The following PTPRT variants were observed in gnomAD, a reference collection of about 807,000 sequenced individuals.
PTPRT encodes the protein protein tyrosine phosphatase receptor type T, also known as receptor-type tyrosine-protein phosphatase T.
In PTPRT, 56 loss-of-function variants were observed where a neutral mutation model predicts 176.8. The observed-to-expected ratio is 0.32, with a 90% CI of 0.26 to 0.40. The LOEUF is 0.40. Ranked by LOEUF, PTPRT falls within the 10% of genes least tolerant of loss-of-function variation. The probability of loss-of-function intolerance (pLI) is 1.00; values close to 1 mark genes in which losing one functional copy is unlikely to be tolerated. For synonymous variants in PTPRT, 783 were observed against 739.0 expected (o/e 1.06, Z -0.96); for missense variants, 1,540 against 1,908.2 (o/e 0.81, Z 3.60).
At chr20:42,275,314 G>A (rs1340203844) in intron 13 of PTPRT, among the ~76,000 whole-genome samples, 4 of 152,178 alleles carry the variant, frequency 2.6e-5, no homozygotes, top group Admixed American at 2.0e-4. Context: ...TACCCCAAAT[G>A]TGTTCCTTCC....
chr20:42,093,694 C>A (rs1984879576), intron 27 of PTPRT, among the ~76,000 whole-genome samples: 1 of 152,230 alleles, frequency 6.6e-6, no homozygotes, highest in South Asian at 2.1e-4. Flanking sequence ...TAGCAATGCT[C>A]AGGTCCTAAG....
intron 7 of PTPRT, among the ~76,000 whole-genome samples, chr20:42,577,200 C>T (rs1201690155): frequency 7.2e-5 from 11 of 152,174 alleles, no homozygotes; most frequent in Admixed American, 1.3e-4. Context: ...AGTAAAGAAA[C>T]ATCAGGCTCT....
At chr20:42,044,330 G>T in the PTPRT span, among the ~76,000 whole-genome samples, 1 of 152,242 alleles carries the variant, frequency 6.6e-6, no homozygotes, top group Non-Finnish European at 1.5e-5. Context: ...TACTTGTTCA[G>T]ATGTCCCAAA....
At chr20:42,195,918 G>T (rs1162182528) in intron 16 of PTPRT, among the ~76,000 whole-genome samples, 1 of 152,056 alleles carries the variant, frequency 6.6e-6, no homozygotes, top group Non-Finnish European at 1.5e-5. Context: ...TTCCTTTATG[G>T]CAAGTTAAAC....
rs1382615556 is a variant in PTPRT, at chr20:42,095,478, G to GC, written c.3846+2942dup. On this transcript the variant is annotated intron_variant, in intron 27 of 30. Coordinates refer to ENST00000373187, the MANE Select transcript of PTPRT (RefSeq NM_007050.6). ...TGCAGGTGTTCCCTCTGCCTGTGAT[G>GC]CCCCCCTGAGAGTCACATGGCTCAC... Among the ~76,000 whole-genome samples the GC allele has an allele frequency of 5.3e-5, 8 of 152,214 alleles. No individual in the cohort carries two copies. In the East Asian group the frequency reaches 1.4e-3, roughly 26 times the overall value.
chr20:42,787,657 G>A (rs549726788), intron 3 of PTPRT, among the ~76,000 whole-genome samples: 1 of 152,302 alleles, frequency 6.6e-6, no homozygotes, highest in East Asian at 1.9e-4. Context: ...CCTTGTTCAC[G>A]CAACTGTGCA....
At chr20:42,091,075 TG>T (rs60068744) in intron 27 of PTPRT, among the ~76,000 whole-genome samples, 12,047 of 152,244 alleles carry the variant, frequency 0.079, 1,221 homozygotes, top group African/African-American at 0.23. Context: ...TCAGTCCAGT[TG>T]TTGTTAATGA....
chr20:42,556,894 C>T (rs944486731), intron 7 of PTPRT, among the ~76,000 whole-genome samples: 2 of 152,144 alleles, frequency 1.3e-5, no homozygotes, highest in African/African-American at 4.8e-5. Flanking sequence ...TCATGATGTG[C>T]CTTCAATCAG....
At chr20:42,299,802 C>A (rs540860393) in intron 12 of PTPRT, among the ~76,000 whole-genome samples, 1 of 151,782 alleles carries the variant, frequency 6.6e-6, no homozygotes, top group Non-Finnish European at 1.5e-5. Context: ...CATGCACCAC[C>A]ACGCCCAGCT....
chr20:43,037,952 C>G (rs560372130), intron 1 of PTPRT, among the ~76,000 whole-genome samples: 11 of 152,296 alleles, frequency 7.2e-5, no homozygotes, highest in African/African-American at 2.6e-4. Context: ...CAACCATTCT[C>G]ACATGAACCC....
At chr20:42,641,882 C>A (rs2074762644) in intron 7 of PTPRT, among the ~76,000 whole-genome samples, 1 of 152,164 alleles carries the variant, frequency 6.6e-6, no homozygotes, top group East Asian at 1.9e-4. Flanking sequence ...CCAGCTCTAT[C>A]TTGACTATGC....
At chr20:42,707,195 A>G (rs571593968) in intron 6 of PTPRT, among the ~76,000 whole-genome samples, 1 of 152,268 alleles carries the variant, frequency 6.6e-6, no homozygotes, top group Non-Finnish European at 1.5e-5. Flanking sequence ...TTTTTGCCAC[A>G]CACAGTTTGT....
chr20:42,181,477 T>C (rs1397660011), intron 16 of PTPRT, among the ~76,000 whole-genome samples: 1 of 152,172 alleles, frequency 6.6e-6, no homozygotes, highest in African/African-American at 2.4e-5. Flanking sequence ...GTGCACCATA[T>C]ATCTCTCCCA....
chr20:42,826,748 A>G (rs1174621668), intron 2 of PTPRT, among the ~76,000 whole-genome samples: 4 of 152,222 alleles, frequency 2.6e-5, no homozygotes, highest in African/African-American at 7.2e-5. Flanking sequence ...TCCACTTAAA[A>G]GGCACAGGGT....
intron 11 of PTPRT, among the ~76,000 whole-genome samples, chr20:42,323,501 A>C (rs1323286613): frequency 2.6e-5 from 4 of 152,162 alleles, no homozygotes; most frequent in Non-Finnish European, 4.4e-5. Context: ...TCAGCAAACT[A>C]TCGCAAGGAC....
At chr20:42,869,233 TG>T (rs2078802872) in intron 2 of PTPRT, among the ~76,000 whole-genome samples, 1 of 152,086 alleles carries the variant, frequency 6.6e-6, no homozygotes, top group Non-Finnish European at 1.5e-5. Context: ...GCCATGGAGA[TG>T]GGCAACCCTT....
chr20:42,094,180 G>C (rs923951751), intron 27 of PTPRT, among the ~76,000 whole-genome samples: 32 of 152,154 alleles, frequency 2.1e-4, no homozygotes, highest in African/African-American at 7.2e-4. Flanking sequence ...TTTGCAGAAA[G>C]GGATGTTGAA....
intron 7 of PTPRT, among the ~76,000 whole-genome samples, chr20:42,517,019 T>C (rs763144024): frequency 1.2e-4 from 18 of 152,138 alleles, no homozygotes; most frequent in Non-Finnish European, 2.1e-4. Context: ...GCTGTCCTTA[T>C]CTACTTTTGG....
chr20:42,827,258 C>G (rs939543649), intron 2 of PTPRT, among the ~76,000 whole-genome samples: 4 of 152,114 alleles, frequency 2.6e-5, no homozygotes, highest in African/African-American at 9.7e-5. Context: ...ATACATTCTT[C>G]TCATCACCAC....
Sources: allele counts gnomAD v4.1 joint callset (sites outside exome capture counted in the v4.1 genomes callset), GRCh38; gene constraint gnomAD v4.1.1; transcripts MANE v1.5; gene names NCBI Gene and HGNC (gene_info 2026-07-23, HGNC 2026-07-21).